Variants in SCOC observed in about 807,000 individuals in gnomAD.
SCOC encodes short coiled coil protein.
SCOC carries 7 observed loss-of-function variants against 9.9 expected under a neutral mutation model. The ratio of observed to expected loss-of-function variants is 0.71; its 90% confidence interval spans 0.40 to 1.33. The LOEUF is 1.33. Among genes scored for constraint, SCOC ranks in the 40% most tolerant of loss-of-function variants. The pLI, the probability that SCOC is intolerant of heterozygous loss-of-function variation, is 0.01. For synonymous variants in SCOC, 19 were observed against 28.2 expected, an observed-to-expected ratio of 0.67 and a Z score of 1.03; for missense variants, 66 against 89.7, an observed-to-expected ratio of 0.74 and a Z score of 1.07.
chr4:140,257,914 C>T (rs1730545845), intron 1 of SCOC, among the ~76,000 whole-genome samples: 1 of 152,212 alleles, frequency 6.6e-6, no homozygotes, highest in Admixed American at 6.5e-5. Context: ...TCATATCAGT[C>T]TCTGCCTCTT....
At chr4:140,371,721 T>C (rs959433249), upstream of SCOC, among the ~76,000 whole-genome samples, 1 of 152,224 alleles carries the variant, frequency 6.6e-6, no homozygotes, top group African/African-American at 2.4e-5. Context: ...TAAAATAGAA[T>C]TACCATATGA....
At chr4:140,373,597 T>A, upstream of SCOC, 1 of 1,551,640 alleles carries the variant, frequency 6.4e-7, no homozygotes. Flanking sequence ...CGGGATGGGA[T>A]TCTTCTCACG....
chr4:140,367,882 T>C (rs1727869784), intron 2 of SCOC, among the ~76,000 whole-genome samples: 1 of 152,210 alleles, frequency 6.6e-6, no homozygotes, highest in African/African-American at 2.4e-5. Flanking sequence ...GACACAATCT[T>C]ACCAGCAAAG....
At chr4:140,305,154 A>G (rs904781113) in intron 1 of SCOC, among the ~76,000 whole-genome samples, 3 of 152,212 alleles carry the variant, frequency 2.0e-5, no homozygotes, top group Non-Finnish European at 4.4e-5. Context: ...AGAAATGAAA[A>G]TAATGACTGA....
At chr4:140,340,746 G>C (rs982275035), upstream of SCOC, among the ~76,000 whole-genome samples, 19 of 142,574 alleles carry the variant, frequency 1.3e-4, no homozygotes, top group East Asian at 3.9e-3. Context: ...TATAACTTTT[G>C]CTCAGTGAAT....
At chr4:140,366,188 T>G in intron 2 of SCOC, 1 of 149,106 alleles carries the variant, frequency 6.7e-6, no homozygotes, top group South Asian at 2.7e-4. Context: ...TCTTTCTTTT[T>G]TTTTTTTTTT....
chr4:140,368,703 G>A (rs1179113432), upstream of SCOC, among the ~76,000 whole-genome samples: 2 of 152,114 alleles, frequency 1.3e-5, no homozygotes, highest in African/African-American at 4.8e-5. Flanking sequence ...AGTAATCTAA[G>A]TTGCAGGAGA....
rs749506449 is a variant in SCOC at position 140,380,960 on chromosome 4, A to C, written c.107-2A>C. The C allele has an allele frequency of 1.3e-6, 2 of 1,550,286 alleles. No individual in the cohort carries two copies. Among genetic ancestry groups the C allele is most frequent in the African/African-American group, 2.8e-5 (2 of 71,338 alleles). On this transcript the variant is annotated splice_acceptor_variant, in intron 3 of 3. Transcript: ENST00000608372. LOFTEE classifies it high-confidence loss of function. ...TAATGGGCATTTTTATTTTTTATAT[A>C]GATCTCTCTGCAAGAGTAGATGCAG...
In SCOC at chr4:140,379,130, C is replaced by T. The variant is rs772389234; in HGVS notation, c.-41C>T. On this transcript the variant is annotated 5_prime_UTR_variant, in exon 2 of 4. Transcript: ENST00000608372. ...ATTTTTCTTATTGTAGACCATTCCT[C>T]AAGAATTTTGTATCCAAGGCCCAAA... The T allele has an allele frequency of 5.6e-6, 9 of 1,597,172 alleles. No individual in the cohort carries two copies. Among genetic ancestry groups the T allele is most frequent in the Admixed American group, 5.0e-5 (3 of 59,982 alleles).
intron 1 of SCOC, among the ~76,000 whole-genome samples, chr4:140,378,885 T>C (rs1273711878): frequency 6.6e-6 from 1 of 152,196 alleles, no homozygotes; most frequent in Non-Finnish European, 1.5e-5. Flanking sequence ...ATTATCTCCT[T>C]TAAAAATAAT....
At chr4:140,258,152 C>T (rs1199922711) in intron 1 of SCOC, among the ~76,000 whole-genome samples, 2 of 152,340 alleles carry the variant, frequency 1.3e-5, no homozygotes, top group African/African-American at 2.4e-5. Context: ...CCGCCAAGCA[C>T]TTGAGCTCCA....
At chr4:140,298,052 G>A (rs892333189) in intron 1 of SCOC, among the ~76,000 whole-genome samples, 3 of 152,090 alleles carry the variant, frequency 2.0e-5, no homozygotes, top group African/African-American at 7.2e-5. Context: ...TTTCCTTGGG[G>A]TTGCATTTAC....
chr4:140,373,134 G>A (rs901470449), upstream of SCOC: 4 of 398,550 alleles, frequency 1.0e-5, no homozygotes, highest in African/African-American at 8.8e-5. Flanking sequence ...TCCGATTTCG[G>A]AAATAAGAAA....
upstream of SCOC, chr4:140,369,253 C>A (rs1275585763): frequency 2.2e-6 from 1 of 448,266 alleles, no homozygotes; most frequent in Non-Finnish European, 4.5e-6. Flanking sequence ...CTGTAGTATA[C>A]AATTACGTCT....
At chr4:140,320,870 C>T (rs1732480835) in intron 1 of SCOC, among the ~76,000 whole-genome samples, 1 of 152,178 alleles carries the variant, frequency 6.6e-6, no homozygotes, top group Non-Finnish European at 1.5e-5. Flanking sequence ...GCCAGCACTA[C>T]AGCTGGAAAA....
chr4:140,317,453 C>T (rs1732355392), intron 1 of SCOC, among the ~76,000 whole-genome samples: 2 of 151,994 alleles, frequency 1.3e-5, no homozygotes, highest in South Asian at 2.1e-4. Context: ...TTCTGATTAC[C>T]GGTGCATGCA....
upstream of SCOC, among the ~76,000 whole-genome samples, chr4:140,339,423 T>G (rs1578826433): frequency 6.6e-6 from 1 of 152,094 alleles, no homozygotes; most frequent in African/African-American, 2.4e-5. Flanking sequence ...CCAAAAGCAA[T>G]GGCAACTAAA....
intron 1 of SCOC, among the ~76,000 whole-genome samples, chr4:140,258,121 C>A (rs544019299): frequency 6.6e-6 from 1 of 152,208 alleles, no homozygotes; most frequent in Non-Finnish European, 1.5e-5. Flanking sequence ...GAGCAGTCTG[C>A]GGAGGTGCTC....
chr4:140,370,782 T>C (rs1228896659), upstream of SCOC, among the ~76,000 whole-genome samples: 1 of 152,208 alleles, frequency 6.6e-6, no homozygotes, highest in Admixed American at 6.5e-5. Flanking sequence ...AAGGTAAACA[T>C]TTTTTAAAAA....
Sources: gnomAD v4.1 joint callset for allele counts (sites outside exome capture counted in the v4.1 genomes callset) on GRCh38, gnomAD v4.1.1 for gene constraint, MANE v1.5 for transcripts, NCBI Gene and HGNC (gene_info 2026-07-23, HGNC 2026-07-21) for gene names.